The following AOX1 variants were observed in gnomAD, a reference collection of about 807,000 sequenced individuals.
AOX1 encodes the protein aldehyde oxidase 1, also known as aldehyde oxidase.
Under a neutral mutation model 169.5 loss-of-function variants are expected in AOX1, and 153 were observed. The ratio of observed to expected loss-of-function variants is 0.90; its 90% CI spans 0.79 to 1.03. The LOEUF is 1.03. Among genes scored for constraint, AOX1 ranks in the 50% least tolerant of loss-of-function variants. The pLI is 0.00. For missense variants in AOX1, 1,656 were observed against 1,663.9 expected (o/e 1.00, Z 0.08); for synonymous variants, 562 against 581.9 (o/e 0.97, Z 0.49).
At chr2:200,617,398 C>T (rs2034783843) in intron 16 of AOX1, among the ~76,000 whole-genome samples, 1 of 146,328 alleles carries the variant, frequency 6.8e-6, no homozygotes, top group African/African-American at 2.5e-5. Flanking sequence ...TTCTTCCTTC[C>T]ATAGTATCTT....
Position 200,609,390 on chromosome 2 carries a change from T to A in AOX1, c.1129T>A (p.Cys377Ser). Residue 377 changes from cysteine (C) to serine (S), a missense_variant, in exon 12 of 35, where the codon TGT (cysteine) becomes AGT (serine). Physicochemically the swap from Cys to Ser is moderately radical, Grantham distance 112. Coordinates refer to ENST00000374700, the MANE Select transcript of AOX1 (RefSeq NM_001159.4). ...DLNPILAVGN[C>S]TLNLLSKEGK... The stretch of plus-strand genomic sequence containing the variant: ...GAATCCCATCCTGGCTGTGGGTAAC[T>A]GTACCCTCAACTTGCTATCAAAAGG... 2 of 1,614,044 alleles carry A rather than the reference T, an allele frequency of 1.2e-6. No homozygotes were observed. Among genetic ancestry groups the A allele is most frequent in the East Asian group, 2.2e-5 (1 of 44,884 alleles).
In AOX1 at chr2:200,605,629, G is replaced by A; in HGVS notation, c.907+1G>A. On this transcript the variant is annotated splice_donor_variant, in intron 10 of 34. Transcript: ENST00000374700. LOFTEE classifies it high-confidence loss of function. ...AGTGTTGTAAACCATGCATATAATG[G>A]TGAGTTCTCAAGTCCCTGTTTTCTT... 1.4e-6 allele frequency: 2 copies of A among 1,473,860 alleles called. No individual in the cohort carries two copies. The highest frequency in any genetic ancestry group is 1.8e-6 in the Non-Finnish European group (2 of 1,096,098). 91.3% of individuals were successfully genotyped at this position (1,473,860 alleles called of 1,614,324 possible). A position where few individuals can be genotyped will look rare whatever the true frequency, so the allele number is the denominator to read the frequency against.
intron 31 of AOX1, among the ~76,000 whole-genome samples, chr2:200,665,502 G>A (rs1474180083): frequency 6.6e-6 from 1 of 152,196 alleles, no homozygotes; most frequent in Non-Finnish European, 1.5e-5. Context: ...CATGATCTCA[G>A]TTCACTGCAG....
chr2:200,653,497 G>A (rs1183196786), intron 26 of AOX1, among the ~76,000 whole-genome samples: 7 of 152,162 alleles, frequency 4.6e-5, no homozygotes, highest in Admixed American at 1.3e-4. Context: ...CTATTTCACA[G>A]AAGGGGAAAC....
chr2:200,669,494 T>C (rs1189189912), intron 33 of AOX1, 81 bp from the exon 34 acceptor site: 1 of 1,435,734 alleles, frequency 7.0e-7, no homozygotes, highest in Non-Finnish European at 9.5e-7. Flanking sequence ...TATTTTTATA[T>C]ATGCACATAT....
chr2:200,611,552 T>G (rs549512589), intron 13 of AOX1, 59 bp downstream of exon 13: 1 of 1,105,060 alleles, frequency 9.0e-7, no homozygotes, highest in Admixed American at 1.7e-5. Context: ...GCTTGTTTAT[T>G]CCAGTATATG....
In AOX1 at chr2:200,612,738, G is replaced by T; in HGVS notation, c.1393G>T (p.Gly465Cys). 6.2e-7 allele frequency: 1 copy of T among 1,614,068 alleles called. No homozygotes were observed. The highest frequency in any genetic ancestry group is 8.5e-7 in the Non-Finnish European group (1 of 1,179,978). ...TAGAGAGTTATGCATCTCATATGGA[G>T]GCGTTGGTCCAGCCACCATCTGTGC... ...IIRELCISYG[G>C]VGPATICAKN... is the part of the protein sequence containing the mutation. Residue 465 changes from glycine to cysteine, a missense_variant, in exon 14 of 35, where the codon GGC becomes TGC. Physicochemically the swap from Gly to Cys is radical, Grantham distance 159 (BLOSUM62 -3). Transcript: ENST00000374700.
At chr2:200,612,857 C>G in intron 14 of AOX1, 64 bp downstream of exon 14, 5 of 1,361,678 alleles carry the variant, frequency 3.7e-6, no homozygotes, top group Non-Finnish European at 5.0e-6. Flanking sequence ...TTAGAGGAGC[C>G]CTTTTTGTGG....
intron 23 of AOX1, among the ~76,000 whole-genome samples, chr2:200,640,289 A>G (rs1324234751): frequency 1.3e-5 from 2 of 152,168 alleles, no homozygotes; most frequent in Non-Finnish European, 2.9e-5. Flanking sequence ...CTTAAAAGAA[A>G]CAGTGAGACT....
chr2:200,601,192 G>A (rs2034407396), intron 5 of AOX1, among the ~76,000 whole-genome samples: 2 of 151,010 alleles, frequency 1.3e-5, no homozygotes, highest in African/African-American at 4.9e-5. Context: ...ATTATGCTGA[G>A]TAAAATAAGC....
chr2:200,641,564 T>TTTTTTA (rs1428184588), intron 24 of AOX1, among the ~76,000 whole-genome samples: 7 of 152,186 alleles, frequency 4.6e-5, no homozygotes, highest in African/African-American at 1.7e-4. Context: ...CCTGTAGTCT[T>TTTTTTA]TTTTTATTTT....
rs1331864700 is a variant in AOX1 at position 200,599,669 on chromosome 2, G to A, written c.359G>A (p.Gly120Glu). Residue 120 changes from glycine (G) to glutamate (E), a missense_variant, in exon 5 of 35, where the codon GGG (glycine) becomes GAG (glutamate). Gly to Glu is a moderately conservative substitution (Grantham distance 98). Transcript: ENST00000374700. The part of the protein sequence containing the change: ...HGTQCGFCTP[G>E]MVMSIYTLLR... ...ACCCAGTGTGGCTTCTGCACACCTG[G>A]GATGGTGATGTCCATCTACACGCTG... The A allele has an allele frequency of 6.2e-7, 1 of 1,612,082 alleles. No individual in the cohort carries two copies. The highest frequency in any genetic ancestry group is 8.5e-7 in the Non-Finnish European group (1 of 1,178,884).
rs76363036 is a variant in AOX1, at chr2:200,611,519, C to T, written c.1263+26C>T. On this transcript the variant is annotated intron_variant, in intron 13 of 34. Transcript: ENST00000374700. ...GTGAGAACATCCCACTGTCAATTTCCCAGTTGCACCTGTGATGCTATGGCT... is the reference window on the plus strand; with the variant it reads ...GTGAGAACATCCCACTGTCAATTTCTCAGTTGCACCTGTGATGCTATGGCT... 5.2e-4 allele frequency: 732 copies of T among 1,411,506 alleles called. 4 individuals are homozygous for T. The African/African-American group carries it at 9.4e-3, about 18-fold the overall frequency. 87.4% of individuals were successfully genotyped at this position (1,411,506 alleles called of 1,614,324 possible).
At position 200,666,755 on chromosome 2, in the gene AOX1, A is replaced by G. The variant is rs758595742; in HGVS notation, c.3609+3A>G. ...ATCCAGCCATTGACATAGGCCAGGT[A>G]CGTGTAACTGATGTGTCTCACTTTC... On this transcript the variant is annotated splice_donor_region_variant and intron_variant, in intron 32 of 34. Transcript: ENST00000374700. 1.2e-6 allele frequency: 2 copies of G among 1,608,510 alleles called. No individual in the cohort carries two copies. The highest frequency in any genetic ancestry group is 1.7e-5 in the Admixed American group (1 of 58,672).
chr2:200,673,706 C>T (rs912426343), downstream of AOX1, among the ~76,000 whole-genome samples: 16 of 152,216 alleles, frequency 1.1e-4, no homozygotes, highest in African/African-American at 3.6e-4. Context: ...TAAAACCCTT[C>T]AATTGCTTCC....
At chr2:200,630,548 GAGGAAGGAAGGAAGGAAGGA>G (rs67400406) in intron 20 of AOX1, among the ~76,000 whole-genome samples, 20,872 of 120,554 alleles carry the variant, frequency 0.17, 1,965 homozygotes, top group East Asian at 0.42. Context: ...GGAAGGAAGG[GAGGAAGGAAGGAAGGAAGGA>G]AGGAAGGAAG....
chr2:200,657,772 A>G (rs2035723550), intron 27 of AOX1, among the ~76,000 whole-genome samples: 1 of 152,188 alleles, frequency 6.6e-6, no homozygotes, highest in African/African-American at 2.4e-5. Context: ...TAATCATAAT[A>G]GTAACATTAT....
chr2:200,681,901 C>T (rs2036155020), downstream of AOX1, among the ~76,000 whole-genome samples: 1 of 151,702 alleles, frequency 6.6e-6, no homozygotes, highest in Admixed American at 6.6e-5. Context: ...TTAGAGCTAG[C>T]CAAAAGAAGC....
Position 200,636,954 on chromosome 2 carries a change from T to C in AOX1, c.2390T>C (p.Met797Thr), listed in dbSNP as rs1350827375. 3.1e-6 allele frequency: 5 copies of C among 1,614,166 alleles called. No individual in the cohort carries two copies. The highest frequency in any genetic ancestry group is 1.1e-5 in the South Asian group (1 of 91,082). ...TTGAAGCTCCCAGCTAACAAGGTCATGTGCCATGTAAGGCGTGTTGGTGGA... is the reference window on the plus strand; with the variant it reads ...TTGAAGCTCCCAGCTAACAAGGTCACGTGCCATGTAAGGCGTGTTGGTGGA... ...STLKLPANKV[M>T]CHVRRVGGAF... Residue 797 changes from methionine (M) to threonine (T), a missense_variant, in exon 22 of 35, where the codon ATG (methionine) becomes ACG (threonine). By Grantham distance (81) the Met-to-Thr change is moderately conservative (BLOSUM62 -1). Transcript: ENST00000374700.
Sources: allele counts gnomAD v4.1 joint callset (sites outside exome capture counted in the v4.1 genomes callset), GRCh38; gene constraint gnomAD v4.1.1; transcripts MANE v1.5; gene names NCBI Gene and HGNC (gene_info 2026-07-23, HGNC 2026-07-21).